The following HSF5 variants were observed in gnomAD, a reference collection of about 807,000 sequenced individuals.
HSF5 encodes heat shock transcription factor 5.
In HSF5, 5 loss-of-function variants were observed where a neutral mutation model predicts 50.8. That is an observed-to-expected ratio of 0.10 (90% CI 0.05 to 0.21). HSF5 has a LOEUF of 0.21. Among genes scored for constraint, HSF5 ranks in the 10% least tolerant of loss-of-function variants. HSF5 has a pLI of 1.00. For synonymous variants in HSF5, 307 were observed against 307.4 expected (o/e 1.00, Z 0.02); for missense variants, 564 against 762.6 (o/e 0.74, Z 3.07).
intron 5 of HSF5, among the ~76,000 whole-genome samples, chr17:58,424,424 A>C (rs1365904700): frequency 2.0e-5 from 3 of 152,006 alleles, no homozygotes; most frequent in African/African-American, 4.8e-5. Flanking sequence ...CATCCTGGCT[A>C]ATATGGTGAA....
At chr17:58,446,458 A>G (rs765644286) in intron 5 of HSF5, among the ~76,000 whole-genome samples, 2 of 152,226 alleles carry the variant, frequency 1.3e-5, no homozygotes, top group Admixed American at 6.5e-5. Flanking sequence ...ATTTGAACTT[A>G]GTACTGGTGC....
intron 1 of HSF5, among the ~76,000 whole-genome samples, chr17:58,482,709 C>CAAA (rs34783781): frequency 0.069 from 926 of 13,452 alleles, 170 homozygotes; most frequent in Non-Finnish European, 0.093. Context: ...GACTCCATCT[C>CAAA]AAAAAAAAAA....
intron 5 of HSF5, among the ~76,000 whole-genome samples, chr17:58,457,971 T>C (rs1974736063): frequency 6.6e-6 from 1 of 152,224 alleles, no homozygotes; most frequent in Non-Finnish European, 1.5e-5. Context: ...ACTATTAATT[T>C]ACTTTTTGGA....
chr17:58,486,089 C>T (rs558932810), intron 1 of HSF5, among the ~76,000 whole-genome samples: 4 of 129,700 alleles, frequency 3.1e-5, no homozygotes, highest in South Asian at 2.5e-4. Context: ...ATAGGCAGGG[C>T]GCAGTGGCTC....
intron 3 of HSF5, among the ~76,000 whole-genome samples, 175 bp downstream of exon 3, chr17:58,466,710 G>T (rs1359657127): frequency 6.6e-6 from 1 of 151,636 alleles, no homozygotes; most frequent in Non-Finnish European, 1.5e-5. Flanking sequence ...AGAATTCTGA[G>T]ATATTATTTA....
At chr17:58,461,502 T>C in intron 4 of HSF5, among the ~76,000 whole-genome samples, 1 of 151,674 alleles carries the variant, frequency 6.6e-6, no homozygotes, top group East Asian at 1.9e-4. Context: ...GGAAAAAAAA[T>C]ATATACACAT....
intron 2 of HSF5, among the ~76,000 whole-genome samples, chr17:58,477,169 G>C (rs1975027086): frequency 6.7e-6 from 1 of 149,798 alleles, no homozygotes; most frequent in African/African-American, 2.5e-5. Context: ...ACCCAGGCTG[G>C]AGTGCAATGG....
At chr17:58,446,780 G>A (rs1484200232) in intron 5 of HSF5, among the ~76,000 whole-genome samples, 6 of 150,654 alleles carry the variant, frequency 4.0e-5, no homozygotes, top group Non-Finnish European at 8.9e-5. Flanking sequence ...TGAGTGCCAC[G>A]TCATCCCTGT....
intron 5 of HSF5, among the ~76,000 whole-genome samples, chr17:58,450,147 C>T (rs570547997): frequency 6.6e-6 from 1 of 151,254 alleles, no homozygotes; most frequent in East Asian, 1.9e-4. Context: ...ACTGGCCTGG[C>T]CAACATGGTG....
chr17:58,462,865 T>G lies in HSF5; in HGVS notation c.1459A>C (p.Lys487Gln). 1 of 1,614,186 alleles carries G rather than the reference T, an allele frequency of 6.2e-7. No homozygotes were observed. The highest frequency in any genetic ancestry group is 8.5e-7 in the Non-Finnish European group (1 of 1,180,014). The change falls in exon 4 of 6, where the codon AAA (lysine) becomes CAA (glutamine). Residue 487 changes from lysine (K) to glutamine (Q), a missense_variant. Lys to Gln is a moderately conservative substitution (Grantham distance 53). Transcript: ENST00000323777. ...TTATGATTTAGGTGCTCCTTCAGTT[T>G]GACATGAGCTTGCTGGATGGCTGCA... Reference protein sequence around the residue: ...ESAAIQQAHVKLKEHLNHNPS... With the variant: ...ESAAIQQAHVQLKEHLNHNPS...
chr17:58,426,991 C>T (rs897963804), intron 5 of HSF5, among the ~76,000 whole-genome samples: 1 of 152,090 alleles, frequency 6.6e-6, no homozygotes, highest in African/African-American at 2.4e-5. Flanking sequence ...GTGGCTCACA[C>T]CTAGAGTCCT....
chr17:58,476,221 T>G, intron 2 of HSF5: 1 of 908,856 alleles, frequency 1.1e-6, no homozygotes, highest in East Asian at 2.6e-5. Context: ...ATCAATATCT[T>G]CTAATCCTTC....
At chr17:58,434,563 A>AAG (rs1974403048) in intron 5 of HSF5, among the ~76,000 whole-genome samples, 2 of 151,370 alleles carry the variant, frequency 1.3e-5, no homozygotes, top group African/African-American at 4.8e-5. Flanking sequence ...AAAAAAAAAA[A>AAG]GATAAAATGT....
chr17:58,485,396 G>T (rs1975155817), intron 1 of HSF5, among the ~76,000 whole-genome samples: 1 of 152,008 alleles, frequency 6.6e-6, no homozygotes, highest in African/African-American at 2.4e-5. Flanking sequence ...TTTAAACAGA[G>T]AAATGGAATA....
At chr17:58,479,248 A>T (rs923988547) in intron 2 of HSF5, among the ~76,000 whole-genome samples, 19 of 151,522 alleles carry the variant, frequency 1.3e-4, no homozygotes, top group South Asian at 1.0e-3. Flanking sequence ...TAAACATATT[A>T]AAAAAAAACT....
intron 5 of HSF5, among the ~76,000 whole-genome samples, chr17:58,443,709 G>C (rs1016702601): frequency 6.6e-6 from 1 of 152,168 alleles, no homozygotes; most frequent in Admixed American, 6.6e-5. Context: ...TAACCATAAA[G>C]TAATGAGAAT....
Position 58,461,188 on chromosome 17 carries a change from C to T in HSF5, c.1542+1594G>A, listed in dbSNP as rs530260366. Among the ~76,000 whole-genome samples, 5 of 149,998 alleles carry T rather than the reference C, an allele frequency of 3.3e-5. No individual in the cohort carries two copies. In the East Asian group the frequency reaches 1.0e-3, roughly 30 times the overall value. Reference sequence around the variant, plus strand: ...AAGATTGCGCTACTGCACTCCAGCCCGAGCAACAGAGCGAGATTCCATCTC... The same window carrying T: ...AAGATTGCGCTACTGCACTCCAGCCTGAGCAACAGAGCGAGATTCCATCTC... On this transcript the variant is annotated intron_variant, in intron 4 of 5. Coordinates refer to ENST00000323777, the MANE Select transcript of HSF5 (RefSeq NM_001080439.3).
At chr17:58,435,638 C>T (rs1277043027) in intron 5 of HSF5, among the ~76,000 whole-genome samples, 1 of 146,732 alleles carries the variant, frequency 6.8e-6, no homozygotes, top group Non-Finnish European at 1.5e-5. Flanking sequence ...ATTGGCTGGG[C>T]GCTGTGGCTC....
chr17:58,471,183 G>A (rs2143793893), intron 2 of HSF5, among the ~76,000 whole-genome samples: 1 of 152,250 alleles, frequency 6.6e-6, no homozygotes, highest in Middle Eastern at 3.4e-3. Flanking sequence ...ACAGTACCCT[G>A]AAAAATAGTT....
Sources: gnomAD v4.1 joint callset for allele counts (sites outside exome capture counted in the v4.1 genomes callset) on GRCh38, gnomAD v4.1.1 for gene constraint, MANE v1.5 for transcripts, NCBI Gene and HGNC (gene_info 2026-07-23, HGNC 2026-07-21) for gene names.